The following COL14A1 variants were observed in gnomAD, a reference collection of about 807,000 sequenced individuals.
COL14A1 encodes collagen type XIV alpha 1 chain, also known as collagen alpha-1(XIV) chain.
In COL14A1, 136 loss-of-function variants were observed where a neutral mutation model predicts 230.3. The observed-to-expected ratio is 0.59, with a 90% confidence interval of 0.51 to 0.68. The LOEUF is 0.68. Among genes scored for constraint, COL14A1 ranks in the 30% least tolerant of loss-of-function variants. COL14A1 has a pLI of 0.00. For synonymous variants in COL14A1, 792 were observed against 784.1 expected, an observed-to-expected ratio of 1.01 and a Z score of -0.17; for missense variants, 1,976 against 2,215.8, an observed-to-expected ratio of 0.89 and a Z score of 2.17.
chr8:120,148,144 CTTTTTTT>C (rs59311466), intron 2 of COL14A1, among the ~76,000 whole-genome samples: 33 of 122,964 alleles, frequency 2.7e-4, no homozygotes, highest in Admixed American at 1.2e-3. Context: ...ATAGGTCATT[CTTTTTTT>C]TTTTTTTTTT....
At chr8:120,221,691 A>G (rs1324663082) in intron 14 of COL14A1, among the ~76,000 whole-genome samples, 2 of 152,110 alleles carry the variant, frequency 1.3e-5, no homozygotes, top group African/African-American at 4.8e-5. Context: ...CCTATTTGTC[A>G]CATATTTGAA....
chr8:120,293,859 T>A (rs956826333), intron 34 of COL14A1, among the ~76,000 whole-genome samples: 4 of 150,728 alleles, frequency 2.7e-5, no homozygotes, highest in African/African-American at 9.7e-5. Flanking sequence ...TACCAACAAG[T>A]ACAATAGCTA....
At position 120,262,833 on chromosome 8, in the gene COL14A1, G is replaced by A. The variant is rs1371063994; in HGVS notation, c.2870-35G>A. On this transcript the variant is annotated intron_variant, in intron 23 of 47. Transcript: ENST00000297848. ...TGGCTGTGTTTCAAAAATTTCATAT[G>A]TGTGTGTTTTTGTTTTGTTTTGTTT... is the stretch of plus-strand genomic sequence containing the variant. 3.2e-6 allele frequency: 5 copies of A among 1,579,212 alleles called. No homozygotes were observed. The African/African-American group carries it at 5.5e-5, about 17-fold the overall frequency.
At chr8:120,349,098 A>C (rs1290652186) in intron 45 of COL14A1, among the ~76,000 whole-genome samples, 1 of 152,186 alleles carries the variant, frequency 6.6e-6, no homozygotes, top group African/African-American at 2.4e-5. Flanking sequence ...GAGCAGGCTA[A>C]CTGGGAGGCA....
intron 40 of COL14A1, among the ~76,000 whole-genome samples, chr8:120,321,764 T>C (rs1821455555): frequency 6.6e-6 from 1 of 152,224 alleles, no homozygotes; most frequent in South Asian, 2.1e-4. Flanking sequence ...ACTTGCATTT[T>C]ATATTGGTAA....
In COL14A1 at chr8:120,279,943, A is replaced by C. The variant is rs546325284; in HGVS notation, c.3490A>C (p.Ile1164Leu). 6.2e-7 allele frequency: 1 copy of C among 1,613,462 alleles called. No individual in the cohort carries two copies. The highest frequency in any genetic ancestry group is 1.3e-5 in the African/African-American group (1 of 74,984). ...TTCTCTGTCTGCCACAGGCTATAGCATTTTTGCAATTGGTGTGGCCGATGC... is the reference window on the plus strand; with the variant it reads ...TTCTCTGTCTGCCACAGGCTATAGCCTTTTTGCAATTGGTGTGGCCGATGC... ...SREMQLDGYS[I>L]FAIGVADADY... The change falls in exon 29 of 48, where the codon ATT (isoleucine) becomes CTT (leucine). Residue 1164 changes from isoleucine to leucine, a missense_variant. Coordinates refer to ENST00000297848, the MANE Select transcript of COL14A1 (RefSeq NM_021110.4).
At chr8:120,125,822 G>T (rs1234427523) in intron 1 of COL14A1, among the ~76,000 whole-genome samples, 1 of 152,134 alleles carries the variant, frequency 6.6e-6, no homozygotes, top group Non-Finnish European at 1.5e-5. Flanking sequence ...GCTGCTGATG[G>T]AGATCATAGG....
intron 45 of COL14A1, among the ~76,000 whole-genome samples, chr8:120,357,280 C>G (rs1823020787): frequency 6.6e-6 from 1 of 152,142 alleles, no homozygotes; most frequent in African/African-American, 2.4e-5. Flanking sequence ...GGTGCCATCA[C>G]AGGACTGTTG....
chr8:120,207,175 A>G, intron 10 of COL14A1, 81 bp downstream of exon 10: 1 of 1,183,328 alleles, frequency 8.5e-7, no homozygotes, highest in Non-Finnish European at 1.2e-6. Flanking sequence ...GCAGAAATAT[A>G]AATATAAGAT....
At chr8:120,150,905 A>C (rs1815258848) in intron 2 of COL14A1, among the ~76,000 whole-genome samples, 1 of 152,160 alleles carries the variant, frequency 6.6e-6, no homozygotes, top group African/African-American at 2.4e-5. Context: ...AAGGGATATC[A>C]AAGTGGAAAG....
intron 22 of COL14A1, among the ~76,000 whole-genome samples, chr8:120,253,266 C>G (rs144843609): frequency 0.011 from 1,677 of 152,224 alleles, 31 homozygotes; most frequent in African/African-American, 0.038. Context: ...GACTTGGCCT[C>G]TCAAAGTGCT....
At chr8:120,299,933 A>G (rs1820659278) in intron 35 of COL14A1, among the ~76,000 whole-genome samples, 1 of 152,046 alleles carries the variant, frequency 6.6e-6, no homozygotes, top group Non-Finnish European at 1.5e-5. Context: ...TCTCTATCCA[A>G]AGGGACTGAT....
rs531208865 is a variant in COL14A1, at chr8:120,348,153, A to G, written c.5077+2590A>G. Among the ~76,000 whole-genome samples, 124 of 150,716 alleles carry G rather than the reference A, an allele frequency of 8.2e-4. 1 individual carries two copies. Among genetic ancestry groups the G allele is most frequent in the African/African-American group, 2.8e-3 (117 of 41,220 alleles). On this transcript the variant is annotated intron_variant, in intron 45 of 47. Transcript: ENST00000297848. ...CAAATGCCCATCAATCAATGAGTGG[A>G]TAAAGAAACTGTGGTGTATATATAT...
chr8:120,288,286 C>A (rs551150008), intron 33 of COL14A1, among the ~76,000 whole-genome samples: 10 of 152,174 alleles, frequency 6.6e-5, no homozygotes, highest in Admixed American at 3.9e-4. Flanking sequence ...TAGTTAATTC[C>A]TTTTTGAAGG....
In COL14A1 at chr8:120,294,460, G is replaced by A. The variant is rs1161667639; in HGVS notation, c.4237-3051G>A. On this transcript the variant is annotated intron_variant, in intron 34 of 47. Transcript: ENST00000297848. ...TTTTTTTTTTTTTTTTTGCAAAGATGTATCTTTTATAATTTTCAGTGAGTT... is the reference window on the plus strand; with the variant it reads ...TTTTTTTTTTTTTTTTTGCAAAGATATATCTTTTATAATTTTCAGTGAGTT... Among the ~76,000 whole-genome samples the A allele has an allele frequency of 4.9e-5, 7 of 142,984 alleles. No homozygotes were observed. In the East Asian group the frequency reaches 1.0e-3, roughly 21 times the overall value. The allele number at this position is 142,984 out of a possible 152,430, so 93.8% of individuals were successfully genotyped here.
At chr8:120,233,164 T>A (rs1818332119) in intron 19 of COL14A1, among the ~76,000 whole-genome samples, 1 of 152,248 alleles carries the variant, frequency 6.6e-6, no homozygotes, top group Non-Finnish European at 1.5e-5. Flanking sequence ...GTTCTGGATA[T>A]TAGCCATTTG....
At chr8:120,141,320 G>A (rs1814900940) in intron 1 of COL14A1, among the ~76,000 whole-genome samples, 1 of 152,110 alleles carries the variant, frequency 6.6e-6, no homozygotes, top group Non-Finnish European at 1.5e-5. Context: ...AGAAGGGGGA[G>A]TTGCTTGAGC....
intron 14 of COL14A1, among the ~76,000 whole-genome samples, chr8:120,220,842 G>A (rs895434693): frequency 6.6e-6 from 1 of 152,116 alleles, no homozygotes; most frequent in Admixed American, 6.6e-5. Flanking sequence ...TGATAATGAT[G>A]GTGATGATTA....
chr8:120,269,779 A>G (rs1318676646), intron 25 of COL14A1, among the ~76,000 whole-genome samples: 1 of 151,626 alleles, frequency 6.6e-6, no homozygotes, highest in Non-Finnish European at 1.5e-5. Flanking sequence ...TGGTTGGTGG[A>G]CAGTTTTTTC....
Sources: gnomAD v4.1 joint callset for allele counts (sites outside exome capture counted in the v4.1 genomes callset) on GRCh38, gnomAD v4.1.1 for gene constraint, MANE v1.5 for transcripts, NCBI Gene and HGNC (gene_info 2026-07-23, HGNC 2026-07-21) for gene names.